SEMA4A: variants seen among roughly 807,000 people sequenced by gnomAD.
The protein encoded by SEMA4A is semaphorin-4A.
A neutral mutation model predicts 72.5 loss-of-function variants in SEMA4A; 52 were observed. The ratio of observed to expected loss-of-function variants is 0.72; its 90% CI spans 0.57 to 0.90. The LOEUF (loss-of-function observed/expected upper bound fraction) is 0.90. Among genes scored for constraint, SEMA4A ranks in the 40% least tolerant of loss-of-function variants. The pLI, the probability that SEMA4A is intolerant of heterozygous loss-of-function variation, is 0.00. For synonymous variants in SEMA4A, 369 were observed against 393.1 expected, an observed-to-expected ratio of 0.94 and a Z score of 0.73; for missense variants, 926 against 959.7, an observed-to-expected ratio of 0.96 and a Z score of 0.46.
In SEMA4A at chr1:156,161,523, G is replaced by A. The variant is rs754009761; in HGVS notation, c.983+5G>A. ...CGCAGTCTTCACCTCCCAGTGGTGAGCAGCAGGGCTGGACCATGGGGGCTG... is the reference window on the plus strand; with the variant it reads ...CGCAGTCTTCACCTCCCAGTGGTGAACAGCAGGGCTGGACCATGGGGGCTG... On this transcript the variant is annotated splice_donor_5th_base_variant and intron_variant, in intron 9 of 14. Coordinates refer to ENST00000368285, the MANE Select transcript of SEMA4A (RefSeq NM_022367.4). The A allele has an allele frequency of 2.5e-6, 4 of 1,613,762 alleles. No homozygotes were observed. In the South Asian group the frequency reaches 4.4e-5, roughly 18 times the overall value.
Position 156,163,111 on chromosome 1 carries a change from ACACTGAGCACAGTC to A in SEMA4A, c.1134+18_1134+31del. ...CCAGGCAGTGTGAGTACTACCCCCC[ACACTGAGCACAGTC>A]TACACATACATAATGTGCATGAAAA... On this transcript the variant is annotated intron_variant, in intron 10 of 14. Transcript: ENST00000368285. 1.2e-6 allele frequency: 2 copies of A among 1,606,830 alleles called. No individual in the cohort carries two copies. The highest frequency in any genetic ancestry group is 4.5e-5 in the East Asian group (2 of 44,862).
chr1:156,175,644 C>T lies in SEMA4A; in HGVS notation c.1681C>T (p.Arg561Cys), dbSNP rs1002874048. 6.8e-6 allele frequency: 11 copies of T among 1,607,354 alleles called. No homozygotes were observed. The East Asian group carries it at 1.6e-4, about 23-fold the overall frequency. Reference sequence around the variant, plus strand: ...GAGCAGGAGCCTTCGGCCTCAGAGCCGCCCGCAAATCAGTGAGTGTAGGAC... The same window carrying T: ...GAGCAGGAGCCTTCGGCCTCAGAGCTGCCCGCAAATCAGTGAGTGTAGGAC... ...PMSRSLRPQSRPQIIKEVLAV... is the reference protein window; with the variant it reads ...PMSRSLRPQSCPQIIKEVLAV... Residue 561 changes from arginine to cysteine, a missense_variant, in exon 14 of 15, where the codon CGC (arginine) becomes TGC (cysteine). Arg to Cys is a radical substitution (Grantham distance 180). Transcript: ENST00000368285.
At chr1:156,174,670 T>A in intron 11 of SEMA4A, 152 bp from the exon 12 acceptor site, 1 of 838,122 alleles carries the variant, frequency 1.2e-6, no homozygotes, top group African/African-American at 1.7e-5. Context: ...GCCATCTCCA[T>A]GGCACAGAGG....
Position 156,172,892 on chromosome 1 carries a change from C to T in SEMA4A, c.1201C>T (p.Gln401Ter). 6.2e-7 allele frequency: 1 copy of T among 1,614,112 alleles called. No individual in the cohort carries two copies. ...GAAGGACCATTTCCTGATGGATGAG[C>T]AAGTGGTGGGGACGCCCCTGCTGGT... ...FMKDHFLMDEQVVGTPLLVKS... is the reference protein window; with the variant it reads ...FMKDHFLMDE The change falls in exon 11 of 15, where the codon CAA (glutamine) becomes TAA (stop). Residue 401 changes from glutamine to a stop codon, truncating the protein, a stop_gained. Coordinates refer to ENST00000368285, the MANE Select transcript of SEMA4A (RefSeq NM_022367.4). LOFTEE classifies it high-confidence loss of function.
Position 156,164,350 on chromosome 1 carries a change from C to T in SEMA4A, c.1134+1256C>T, listed in dbSNP as rs1444565887. Among the ~76,000 whole-genome samples, 10 of 152,142 alleles carry T rather than the reference C, an allele frequency of 6.6e-5. No homozygotes were observed. The East Asian group carries it at 1.7e-3, about 26-fold the overall frequency. On this transcript the variant is annotated intron_variant, in intron 10 of 14. Coordinates refer to ENST00000368285, the MANE Select transcript of SEMA4A (RefSeq NM_022367.4). ...TTTCAGACAGTATCTGTTGAATTCCCACTGTAGAAAGTGAGGATTTAACTA... is the reference window on the plus strand; with the variant it reads ...TTTCAGACAGTATCTGTTGAATTCCTACTGTAGAAAGTGAGGATTTAACTA...
upstream of SEMA4A, among the ~76,000 whole-genome samples, chr1:156,148,779 T>C (rs1023473143): frequency 6.6e-6 from 1 of 150,732 alleles, no homozygotes; most frequent in African/African-American, 2.4e-5. Flanking sequence ...GAGGCCAGCC[T>C]GGAAGGGGCT....
Position 156,177,332 on chromosome 1 carries a change from C to A in SEMA4A, c.*335C>A. On this transcript the variant is annotated 3_prime_UTR_variant, in exon 15 of 15. Coordinates refer to ENST00000368285, the MANE Select transcript of SEMA4A (RefSeq NM_022367.4). ...CCAGAAACACAGTGTTTCAAGAGAC[C>A]CTAAAAAACCTGCCTGTCCCAGGAC... 2 of 418,052 alleles carry A rather than the reference C, an allele frequency of 4.8e-6. No homozygotes were observed. The highest frequency in any genetic ancestry group is 9.0e-6 in the Non-Finnish European group (2 of 223,074). 25.9% of individuals were successfully genotyped at this position (418,052 alleles called of 1,614,324 possible). A position where few individuals can be genotyped will look rare whatever the true frequency, so the allele number is the denominator to read the frequency against.
At chr1:156,158,235 T>A in intron 4 of SEMA4A, 103 bp downstream of exon 4, 1 of 1,339,014 alleles carries the variant, frequency 7.5e-7, no homozygotes. Flanking sequence ...AGGGCACTTG[T>A]TTGCACGGTT....
chr1:156,172,551 C>T (rs1654905551), intron 10 of SEMA4A, among the ~76,000 whole-genome samples: 1 of 152,186 alleles, frequency 6.6e-6, no homozygotes, highest in South Asian at 2.1e-4. Flanking sequence ...ATGCCAAGCA[C>T]TGTTTGAATT....
At chr1:156,147,518 A>C (rs1386356347), upstream of SEMA4A, 1 of 152,182 alleles carries the variant, frequency 6.6e-6, no homozygotes, top group East Asian at 1.9e-4. Flanking sequence ...GACTATGGAC[A>C]TGGAGTGTCT....
rs1267171948 is a variant in SEMA4A at position 156,161,632 on chromosome 1, A to G, written c.983+114A>G. 5.4e-6 allele frequency: 6 copies of G among 1,111,450 alleles called. No homozygotes were observed. In the East Asian group the frequency reaches 1.3e-4, roughly 24 times the overall value. The allele number at this position is 1,111,450 out of a possible 1,614,324, so 68.8% of individuals were successfully genotyped here. A position where few individuals can be genotyped will look rare whatever the true frequency, so the allele number is the denominator to read the frequency against. ...GAGCCAGCACCTACTCAGCACTTTC[A>G]CATAGGAAGGCATTAAATCGTCACC... On this transcript the variant is annotated intron_variant, in intron 9 of 14. Transcript: ENST00000368285.
At chr1:156,163,693 C>G (rs868044107) in intron 10 of SEMA4A, among the ~76,000 whole-genome samples, 2 of 136,632 alleles carry the variant, frequency 1.5e-5, no homozygotes, top group African/African-American at 5.6e-5. Context: ...TGCACTCCAG[C>G]CTGGGTGAAA....
chr1:156,160,376 C>A, intron 6 of SEMA4A, 67 bp from the exon 7 acceptor site: 1 of 1,205,558 alleles, frequency 8.3e-7, no homozygotes, highest in Non-Finnish European at 1.2e-6. Flanking sequence ...CAGTCAGAGG[C>A]AGGTCTGTGG....
intron 2 of SEMA4A, chr1:156,154,949 G>C (rs1459619633): frequency 1.7e-6 from 1 of 576,290 alleles, no homozygotes. Context: ...AGGTGGCCAC[G>C]GGGCCAGGGG....
chr1:156,166,758 G>A (rs764556775), intron 10 of SEMA4A, among the ~76,000 whole-genome samples: 7 of 151,878 alleles, frequency 4.6e-5, no homozygotes, highest in Non-Finnish European at 7.4e-5. Context: ...GTGAAACCCC[G>A]TCTCTACTAA....
intron 13 of SEMA4A, 33 bp downstream of exon 13, chr1:156,175,276 G>A: frequency 6.3e-7 from 1 of 1,593,888 alleles, no homozygotes; most frequent in Non-Finnish European, 8.6e-7. Flanking sequence ...GGCCTGGATG[G>A]CCAGCCAGGA....
At chr1:156,175,478 G>T (rs952922968) in intron 13 of SEMA4A, 78 bp from the exon 14 acceptor site, 2 of 1,250,010 alleles carry the variant, frequency 1.6e-6, no homozygotes, top group Non-Finnish European at 2.3e-6. Context: ...CTTCCCTACT[G>T]CACTTCCTCC....
chr1:156,154,958 G>C, intron 2 of SEMA4A: 1 of 566,034 alleles, frequency 1.8e-6, no homozygotes, highest in South Asian at 2.4e-5. Flanking sequence ...CGGGGCCAGG[G>C]GCACGCTTCT....
At chr1:156,175,065 C>T in intron 12 of SEMA4A, 21 bp from the exon 13 acceptor site, 1 of 1,614,182 alleles carries the variant, frequency 6.2e-7, no homozygotes, top group Admixed American at 1.7e-5. Context: ...GGCTCCCTGA[C>T]AATCTCCATC....
Sources: gnomAD v4.1 joint callset for allele counts (sites outside exome capture counted in the v4.1 genomes callset) on GRCh38, gnomAD v4.1.1 for gene constraint, MANE v1.5 for transcripts, NCBI Gene and HGNC (gene_info 2026-07-23, HGNC 2026-07-21) for gene names.